THEMIS: variants seen among roughly 807,000 people sequenced by gnomAD.
THEMIS encodes thymocyte selection associated.
THEMIS carries 37 observed loss-of-function variants against 52.6 expected under a neutral mutation model. The ratio of observed to expected loss-of-function variants is 0.70; its 90% confidence interval spans 0.54 to 0.93. The LOEUF (loss-of-function observed/expected upper bound fraction) is 0.93, where lower values mean the gene tolerates loss of function less well. Among genes scored for constraint, THEMIS ranks in the 40% least tolerant of loss-of-function variants. THEMIS has a pLI of 0.00. For synonymous variants in THEMIS, 292 were observed against 272.7 expected (o/e 1.07, Z -0.70); for missense variants, 808 against 763.1 (o/e 1.06, Z -0.69).
chr6:127,740,777 G>A (rs192780281), intron 4 of THEMIS, among the ~76,000 whole-genome samples: 6 of 152,208 alleles, frequency 3.9e-5, no homozygotes, highest in Admixed American at 3.3e-4. Flanking sequence ...CTAGAACTCC[G>A]CTATATAAAC....
At chr6:127,728,279 T>A (rs1423756977) in intron 4 of THEMIS, among the ~76,000 whole-genome samples, 4 of 152,076 alleles carry the variant, frequency 2.6e-5, no homozygotes, top group Admixed American at 2.6e-4. Flanking sequence ...TCCCTCTAGG[T>A]CTTATTTTTT....
intron 4 of THEMIS, among the ~76,000 whole-genome samples, chr6:127,743,504 A>C (rs1293508922): frequency 6.6e-6 from 1 of 152,172 alleles, no homozygotes; most frequent in East Asian, 1.9e-4. Flanking sequence ...TGATGTTCAG[A>C]GGATACACCA....
rs967670717 is a variant in THEMIS, at chr6:127,832,681, G to A, written c.251-2747C>T. On this transcript the variant is annotated intron_variant, in intron 2 of 5. Coordinates refer to ENST00000368248, the MANE Select transcript of THEMIS (RefSeq NM_001010923.3). Reference sequence around the variant, plus strand: ...AAAGACAAGACACATTCCAAGACTTGAGTAATCAAGTTATTAAAATAAGCC... The same window carrying A: ...AAAGACAAGACACATTCCAAGACTTAAGTAATCAAGTTATTAAAATAAGCC... Among the ~76,000 whole-genome samples, 4 of 148,668 alleles carry A rather than the reference G, an allele frequency of 2.7e-5. No individual in the cohort carries two copies. The East Asian group carries it at 8.1e-4, about 30-fold the overall frequency.
chr6:127,713,457 C>T (rs949341635), intron 5 of THEMIS, among the ~76,000 whole-genome samples: 10 of 151,826 alleles, frequency 6.6e-5, no homozygotes, highest in Non-Finnish European at 1.3e-4. Flanking sequence ...AGACACTTTC[C>T]TATAACCTAA....
At chr6:127,862,570 C>T (rs1779843231) in intron 1 of THEMIS, among the ~76,000 whole-genome samples, 1 of 151,492 alleles carries the variant, frequency 6.6e-6, no homozygotes, top group Admixed American at 6.6e-5. Flanking sequence ...CAGGCACTCA[C>T]CACCACGCCC....
intron 4 of THEMIS, among the ~76,000 whole-genome samples, chr6:127,795,606 G>A (rs1439582806): frequency 2.0e-5 from 3 of 152,192 alleles, no homozygotes; most frequent in African/African-American, 4.8e-5. Context: ...GGGATTACAG[G>A]CGTGAGCCAC....
intron 4 of THEMIS, among the ~76,000 whole-genome samples, chr6:127,780,378 G>T (rs1055265585): frequency 6.6e-6 from 1 of 152,048 alleles, no homozygotes; most frequent in African/African-American, 2.4e-5. Flanking sequence ...TTTAATTGGG[G>T]CATTTAGCCC....
At chr6:127,757,097 T>C (rs975827028) in intron 4 of THEMIS, among the ~76,000 whole-genome samples, 1 of 152,212 alleles carries the variant, frequency 6.6e-6, no homozygotes, top group African/African-American at 2.4e-5. Flanking sequence ...ACTAGCCACA[T>C]GTGGTCATTA....
chr6:127,813,052 G>T lies in THEMIS; in HGVS notation c.1589C>A (p.Thr530Asn), dbSNP rs1170997900. ...CTCTTCAGTGATCTCTTCTACCAGA[G>T]TCCTGACTAGAAATGGTTCTGCATC... ...SRDAEPFLVR[T>N]LVEEITEEQY... The change falls in exon 4 of 6, where the codon ACT (threonine) becomes AAT (asparagine). Residue 530 changes from threonine (T) to asparagine (N), a missense_variant. Physicochemically the swap from Thr to Asn is moderately conservative, Grantham distance 65 (BLOSUM62 0). Transcript: ENST00000368248. The T allele has an allele frequency of 3.7e-6, 6 of 1,614,090 alleles. No homozygotes were observed. Among genetic ancestry groups the T allele is most frequent in the Non-Finnish European group, 5.1e-6 (6 of 1,180,028 alleles).
chr6:127,744,610 T>TG lies in THEMIS; in HGVS notation c.1759-24788dup, dbSNP rs1775322036. On this transcript the variant is annotated intron_variant, in intron 4 of 5. Coordinates refer to ENST00000368248, the MANE Select transcript of THEMIS (RefSeq NM_001010923.3). ...CAAATACTGCATGATTCCACTTACATGAGGTATCTAAAATGGTCAAACTTG... is the reference window on the plus strand; with the variant it reads ...CAAATACTGCATGATTCCACTTACATGGAGGTATCTAAAATGGTCAAACTTG... Among the ~76,000 whole-genome samples, 3 of 152,052 alleles carry TG rather than the reference T, an allele frequency of 2.0e-5. No individual in the cohort carries two copies. The South Asian group carries it at 6.2e-4, about 32-fold the overall frequency.
chr6:127,789,710 G>C (rs1472192033), intron 4 of THEMIS, among the ~76,000 whole-genome samples: 3 of 152,096 alleles, frequency 2.0e-5, no homozygotes, highest in African/African-American at 7.2e-5. Context: ...GGGATGCAAG[G>C]CTGGTTCAAC....
In THEMIS at chr6:127,797,782, T is replaced by A. The variant is rs1339798137; in HGVS notation, c.1758+15101A>T. On this transcript the variant is annotated intron_variant, in intron 4 of 5. Coordinates refer to ENST00000368248, the MANE Select transcript of THEMIS (RefSeq NM_001010923.3). ...GCTAACTTCTCAATGTTTCTCTAAT[T>A]TATCTGAGGTGAAAGAAAAGCACTT... Among the ~76,000 whole-genome samples the A allele has an allele frequency of 3.9e-5, 6 of 152,212 alleles. No homozygotes were observed. In the East Asian group the frequency reaches 1.2e-3, roughly 29 times the overall value.
intron 5 of THEMIS, among the ~76,000 whole-genome samples, chr6:127,714,816 A>G (rs924628039): frequency 6.6e-6 from 1 of 151,900 alleles, no homozygotes; most frequent in African/African-American, 2.4e-5. Context: ...TAAAAAGAAA[A>G]GAAAAAGGTT....
chr6:127,729,494 C>T (rs1774681348), intron 4 of THEMIS, among the ~76,000 whole-genome samples: 1 of 152,088 alleles, frequency 6.6e-6, no homozygotes. Flanking sequence ...AAATCAATTC[C>T]CATAGCTCTC....
intron 4 of THEMIS, among the ~76,000 whole-genome samples, chr6:127,768,536 G>A (rs565451350): frequency 4.6e-5 from 7 of 152,220 alleles, no homozygotes; most frequent in African/African-American, 1.7e-4. Flanking sequence ...AAATATGTAT[G>A]CCTTTTCCTC....
In THEMIS at chr6:127,719,833, C is replaced by T; in HGVS notation, c.1759-10G>A. ...TGTCTACGTGATGACGCTGAAATGA[C>T]ACAGGTCACAAGTAAATTATCAGTC... On this transcript the variant is annotated splice_polypyrimidine_tract_variant and intron_variant, in intron 4 of 5. Transcript: ENST00000368248. 6.2e-7 allele frequency: 1 copy of T among 1,610,300 alleles called. No individual in the cohort carries two copies. Among genetic ancestry groups the T allele is most frequent in the Non-Finnish European group, 8.5e-7 (1 of 1,178,050 alleles).
intron 4 of THEMIS, among the ~76,000 whole-genome samples, chr6:127,726,287 C>A (rs764453308): frequency 6.6e-6 from 1 of 152,040 alleles, no homozygotes; most frequent in Non-Finnish European, 1.5e-5. Context: ...AAGAAAGATG[C>A]CTGAATCTAT....
At chr6:127,840,162 T>A (rs1778998697) in intron 2 of THEMIS, among the ~76,000 whole-genome samples, 1 of 152,102 alleles carries the variant, frequency 6.6e-6, no homozygotes. Flanking sequence ...GTATCAGATC[T>A]TTAAAAACAT....
At chr6:127,781,735 G>T (rs1317497629) in intron 4 of THEMIS, among the ~76,000 whole-genome samples, 1 of 152,152 alleles carries the variant, frequency 6.6e-6, no homozygotes, top group Admixed American at 6.5e-5. Flanking sequence ...CTGCAGAACA[G>T]GAAAGATTGT....
Sources: allele counts gnomAD v4.1 joint callset (sites outside exome capture counted in the v4.1 genomes callset), GRCh38; gene constraint gnomAD v4.1.1; transcripts MANE v1.5; gene names NCBI Gene and HGNC (gene_info 2026-07-23, HGNC 2026-07-21).